The following SLC45A4 variants were observed in gnomAD, a reference collection of about 807,000 sequenced individuals.
The protein encoded by SLC45A4 is solute carrier family 45 member 4.
SLC45A4 carries 32 observed loss-of-function variants against 63.7 expected under a neutral mutation model. That is an observed-to-expected ratio of 0.50 (90% confidence interval 0.38 to 0.67). The LOEUF (loss-of-function observed/expected upper bound fraction) is 0.67. SLC45A4 is among the 30% of genes least tolerant of loss of function. SLC45A4 has a pLI of 0.00. For synonymous variants in SLC45A4, 535 were observed against 510.0 expected (o/e 1.05, Z -0.66); for missense variants, 1,027 against 1,157.7 (o/e 0.89, Z 1.64).
chr8:141,228,096 T>C, intron 2 of SLC45A4: 2 of 1,557,052 alleles, frequency 1.3e-6, no homozygotes, highest in Non-Finnish European at 8.8e-7. Flanking sequence ...AGCTGTTGGG[T>C]GCCCGAGAGG....
At chr8:141,255,370 G>A (rs1006947825) in intron 1 of SLC45A4, among the ~76,000 whole-genome samples, 44 of 152,162 alleles carry the variant, frequency 2.9e-4, no homozygotes, top group Admixed American at 1.1e-3. Flanking sequence ...GTGAGCCACC[G>A]TGCCCAGCCA....
At chr8:141,235,962 G>T (rs1827606251) in intron 2 of SLC45A4, among the ~76,000 whole-genome samples, 1 of 152,038 alleles carries the variant, frequency 6.6e-6, no homozygotes, top group Non-Finnish European at 1.5e-5. Context: ...AAATTAGCCG[G>T]GTGTGGTGGT....
intron 1 of SLC45A4, among the ~76,000 whole-genome samples, chr8:141,301,185 A>T (rs1018168197): frequency 6.6e-6 from 1 of 152,190 alleles, no homozygotes; most frequent in Non-Finnish European, 1.5e-5. Context: ...ACAGAGATGT[A>T]CCCGGTACCA....
At chr8:141,304,570 AAAAG>A (rs1394416900) in intron 1 of SLC45A4, among the ~76,000 whole-genome samples, 1 of 134,218 alleles carries the variant, frequency 7.5e-6, no homozygotes, top group African/African-American at 2.5e-5. Context: ...AAAAAAAAAA[AAAAG>A]GGGGGGAGAG....
chr8:141,292,009 G>A (rs1422568617), intron 1 of SLC45A4, among the ~76,000 whole-genome samples: 3 of 152,258 alleles, frequency 2.0e-5, no homozygotes, highest in Non-Finnish European at 2.9e-5. Flanking sequence ...TGGCCACCGC[G>A]TTGGCCCTCA....
At chr8:141,270,050 C>A (rs949258833) in intron 1 of SLC45A4, among the ~76,000 whole-genome samples, 5 of 152,172 alleles carry the variant, frequency 3.3e-5, no homozygotes, top group African/African-American at 9.7e-5. Context: ...CAGACCCTTG[C>A]CCTGCCCTTC....
At chr8:141,269,105 G>A (rs1361179499) in intron 1 of SLC45A4, among the ~76,000 whole-genome samples, 1 of 152,172 alleles carries the variant, frequency 6.6e-6, no homozygotes, top group Admixed American at 6.5e-5. Context: ...TGAGTCATAC[G>A]CTGTATAGGG....
chr8:141,298,572 C>T (rs187096714), intron 1 of SLC45A4, among the ~76,000 whole-genome samples: 1 of 152,346 alleles, frequency 6.6e-6, no homozygotes, highest in African/African-American at 2.4e-5. Flanking sequence ...AAGTGGCCAA[C>T]CCGAAAGAAA....
At chr8:141,277,041 C>T (rs902379041) in intron 1 of SLC45A4, among the ~76,000 whole-genome samples, 2 of 152,240 alleles carry the variant, frequency 1.3e-5, no homozygotes, top group Non-Finnish European at 2.9e-5. Context: ...GGAAGGCAGG[C>T]AGAGCCCTTG....
chr8:141,293,992 GA>G (rs1830449481), intron 1 of SLC45A4, among the ~76,000 whole-genome samples: 1 of 151,700 alleles, frequency 6.6e-6, no homozygotes, highest in Non-Finnish European at 1.5e-5. Context: ...ATCTACAGAA[GA>G]AAAAGTGAGA....
At chr8:141,282,661 C>T (rs371316090) in intron 1 of SLC45A4, among the ~76,000 whole-genome samples, 2 of 152,258 alleles carry the variant, frequency 1.3e-5, no homozygotes, top group African/African-American at 2.4e-5. Context: ...TTCAACCCAA[C>T]GTCCAAGGCC....
rs542971462 is a variant in SLC45A4, at chr8:141,256,172, T to C, written c.-400-1543A>G. 2.0e-5 allele frequency among the ~76,000 whole-genome samples: 3 copies of C among 152,294 alleles called. No individual in the cohort carries two copies. In the East Asian group the frequency reaches 5.8e-4, roughly 29 times the overall value. On this transcript the variant is annotated intron_variant, in intron 1 of 8. Transcript: ENST00000517878. This position sits in a 1 kb window ranked among gnomAD's most constrained non-coding sequence, Gnocchi z 4.3. ...TGTTTTAGGAAATGAGGTCAATCTC[T>C]CCTCAGGTAAGATAAGATCGGGGAT...
intron 1 of SLC45A4, among the ~76,000 whole-genome samples, chr8:141,302,316 G>C (rs988882151): frequency 6.6e-6 from 1 of 152,030 alleles, no homozygotes; most frequent in Non-Finnish European, 1.5e-5. Context: ...CTGGAGTGAA[G>C]TGGCGCAATC....
Position 141,260,993 on chromosome 8 carries a change from C to A in SLC45A4, c.-400-6364G>T, listed in dbSNP as rs550388797. On this transcript the variant is annotated intron_variant, in intron 1 of 8. Transcript: ENST00000517878. ...AATCCTCAATAAAATACTGGCAAAC[C>A]GAATCCAGCAGCACATCAAAAAGCT... Among the ~76,000 whole-genome samples the A allele has an allele frequency of 3.9e-3, 597 of 152,224 alleles. 3 individuals are homozygous for A. Among genetic ancestry groups the A allele is most frequent in the Middle Eastern group, 0.017 (5 of 294 alleles).
At chr8:141,290,079 C>G (rs933155240) in intron 1 of SLC45A4, among the ~76,000 whole-genome samples, 3 of 152,114 alleles carry the variant, frequency 2.0e-5, no homozygotes, top group Admixed American at 2.0e-4. Context: ...CTAGACAGTA[C>G]TATCATTATA....
At chr8:141,283,781 C>T (rs1830044917) in intron 1 of SLC45A4, among the ~76,000 whole-genome samples, 1 of 152,172 alleles carries the variant, frequency 6.6e-6, no homozygotes, top group African/African-American at 2.4e-5. Flanking sequence ...GGGAAACCTC[C>T]AGCTCCACCC....
chr8:141,276,454 G>A (rs893588623), intron 1 of SLC45A4, among the ~76,000 whole-genome samples: 11 of 152,156 alleles, frequency 7.2e-5, no homozygotes, highest in African/African-American at 2.7e-4. Flanking sequence ...CAGCTATTTG[G>A]TACGGAAACA....
chr8:141,281,681 C>T (rs753574791), intron 1 of SLC45A4, among the ~76,000 whole-genome samples: 42 of 152,220 alleles, frequency 2.8e-4, no homozygotes, highest in Non-Finnish European at 4.9e-4. Flanking sequence ...ACAAAAAACA[C>T]AGGACCATCT....
At chr8:141,266,191 G>A (rs1349409470) in intron 1 of SLC45A4, among the ~76,000 whole-genome samples, 1 of 152,136 alleles carries the variant, frequency 6.6e-6, no homozygotes, top group African/African-American at 2.4e-5. Flanking sequence ...GACAACACGC[G>A]TCCGCACGGT....
Sources: allele counts gnomAD v4.1 joint callset (sites outside exome capture counted in the v4.1 genomes callset), GRCh38; gene constraint gnomAD v4.1.1; non-coding constraint Gnocchi (gnomAD v3.1); transcripts MANE v1.5; gene names NCBI Gene and HGNC (gene_info 2026-07-23, HGNC 2026-07-21).